ADAMTS7: variants seen among roughly 807,000 people sequenced by gnomAD.
ADAMTS7 encodes A disintegrin and metalloproteinase with thrombospondin motifs 7.
In ADAMTS7, 89 loss-of-function variants were observed where a neutral mutation model predicts 172.6. The observed-to-expected ratio is 0.52, with a 90% CI of 0.43 to 0.61. The LOEUF (loss-of-function observed/expected upper bound fraction) is 0.61. ADAMTS7 is among the 20% of genes least tolerant of loss of function. The pLI is 0.00. For synonymous variants in ADAMTS7, 885 were observed against 978.4 expected (o/e 0.90, Z 1.78); for missense variants, 1,973 against 2,355.6 (o/e 0.84, Z 3.36).
chr15:78,788,519 T>C, intron 7 of ADAMTS7, 145 bp from the exon 8 acceptor site: 1 of 940,698 alleles, frequency 1.1e-6, no homozygotes, highest in Non-Finnish European at 1.6e-6. Flanking sequence ...CTGCAGAAAG[T>C]CACATTCCCC....
chr15:78,781,909 G>T (rs998190816), intron 8 of ADAMTS7, among the ~76,000 whole-genome samples: 2 of 152,204 alleles, frequency 1.3e-5, no homozygotes, highest in Non-Finnish European at 2.9e-5. Flanking sequence ...AGCACTGCAC[G>T]CGTTTTCTCA....
chr15:78,781,503 C>T (rs2055428444), intron 8 of ADAMTS7, among the ~76,000 whole-genome samples: 1 of 152,186 alleles, frequency 6.6e-6, no homozygotes, highest in Non-Finnish European at 1.5e-5. Flanking sequence ...CTCCCCGGTG[C>T]CAAGGCTCTG....
chr15:78,785,259 A>G (rs1368055704), intron 8 of ADAMTS7, among the ~76,000 whole-genome samples: 1 of 152,242 alleles, frequency 6.6e-6, no homozygotes, highest in Admixed American at 6.5e-5. Context: ...TTAAAAAGAA[A>G]TGCCATCTAG....
chr15:78,762,820 C>T (rs1289508178), intron 22 of ADAMTS7, among the ~76,000 whole-genome samples: 4 of 152,220 alleles, frequency 2.6e-5, no homozygotes, highest in Admixed American at 6.5e-5. Flanking sequence ...GCCCTCGGGG[C>T]GGCAGGGCAG....
rs781511999 is a variant in ADAMTS7, at chr15:78,776,291, C to T, written c.1603G>A (p.Glu535Lys). The change falls in exon 11 of 24, where the codon GAG (glutamate) becomes AAG (lysine). Residue 535 changes from glutamate (E) to lysine (K), a missense_variant. Transcript: ENST00000388820. Reference protein sequence around the residue: ...GECVPVGFRPEAVDGGWSGWS... With the variant: ...GECVPVGFRPKAVDGGWSGWS... ...CCAGACCAGCCACCATCCACGGCCT[C>T]GGGCCGGAAGCCCACGGGTACGCAC... 2.4e-5 allele frequency: 39 copies of T among 1,611,834 alleles called. No homozygotes were observed. The highest frequency in any genetic ancestry group is 1.1e-4 in the East Asian group (5 of 44,896).
intron 9 of ADAMTS7, 158 bp from the exon 10 acceptor site, chr15:78,776,999 T>C: frequency 1.6e-6 from 1 of 638,076 alleles, no homozygotes; most frequent in South Asian, 1.9e-5. Flanking sequence ...TGCTCCCACC[T>C]TCCTCCCCGG....
intron 1 of ADAMTS7, among the ~76,000 whole-genome samples, chr15:78,809,633 G>A (rs1371942894): frequency 6.6e-6 from 1 of 152,192 alleles, no homozygotes; most frequent in Non-Finnish European, 1.5e-5. Flanking sequence ...ATCCCACGAG[G>A]TTGACCGCAC....
At chr15:78,773,406 C>T (rs541965838) in intron 13 of ADAMTS7, among the ~76,000 whole-genome samples, 175 of 151,628 alleles carry the variant, frequency 1.2e-3, no homozygotes, top group African/African-American at 4.1e-3. Context: ...AGATGTGAGA[C>T]GGGGAGACCC....
intron 4 of ADAMTS7, 32 bp from the exon 5 acceptor site, chr15:78,791,255 C>G: frequency 6.3e-7 from 1 of 1,595,850 alleles, no homozygotes; most frequent in Non-Finnish European, 8.6e-7. Context: ...CAGGTTGTCA[C>G]GAGGATGAAG....
In ADAMTS7 at chr15:78,771,229, C is replaced by T. The variant is rs1445499168; in HGVS notation, c.2451G>A (p.Glu817=). The T allele has an allele frequency of 1.9e-6, 3 of 1,612,084 alleles. No homozygotes were observed. The highest frequency in any genetic ancestry group is 3.3e-5 in the Admixed American group (2 of 59,968). Residue 817 remains glutamate, a synonymous_variant, in exon 16 of 24, where the codon GAG becomes GAA. Transcript: ENST00000388820. This position sits in a 1 kb window ranked among gnomAD's most constrained non-coding sequence, Gnocchi z 4.9. ...TIHREAGGHD[E]VPPPVFSWHY... ...GCCAGGAGAACACGGGCGGCGGGAC[C>T]TCGTCGTGGCCACCTGCCTCCCTGT... is the stretch of plus-strand genomic sequence containing the variant.
rs112725095 is a variant in ADAMTS7, at chr15:78,759,319, G to A, written c.*102C>T. The A allele has an allele frequency of 6.9e-3, 8,229 of 1,185,312 alleles. 406 individuals are homozygous for A. The African/African-American group carries it at 0.12, about 17-fold the overall frequency. 73.4% of individuals were successfully genotyped at this position (1,185,312 alleles called of 1,614,324 possible). On this transcript the variant is annotated 3_prime_UTR_variant, in exon 24 of 24. Coordinates refer to ENST00000388820, the MANE Select transcript of ADAMTS7 (RefSeq NM_014272.5). Reference sequence around the variant, plus strand: ...GAGGTCCCCAGCCTGCTGCTGGGTAGTGAGAGGGGGTTAGCACCATTAGGG... The same window carrying A: ...GAGGTCCCCAGCCTGCTGCTGGGTAATGAGAGGGGGTTAGCACCATTAGGG...
At chr15:78,806,275 G>T (rs1184034687) in intron 1 of ADAMTS7, among the ~76,000 whole-genome samples, 1 of 152,084 alleles carries the variant, frequency 6.6e-6, no homozygotes, top group East Asian at 1.9e-4. Context: ...TTTCATCAAG[G>T]AGGATGCATT....
intron 20 of ADAMTS7, 63 bp from the exon 21 acceptor site, chr15:78,764,162 G>C (rs1483918828): frequency 1.4e-6 from 2 of 1,439,676 alleles, no homozygotes; most frequent in Non-Finnish European, 1.8e-6. Context: ...GTGACCCCGT[G>C]AGGTGTGTGG....
chr15:78,793,432 C>T (rs137993114), intron 4 of ADAMTS7, among the ~76,000 whole-genome samples: 1 of 151,954 alleles, frequency 6.6e-6, no homozygotes, highest in African/African-American at 2.4e-5. Context: ...CGGCTCACTG[C>T]AGCCGCTGCA....
chr15:78,779,926 G>A (rs2055406061), intron 8 of ADAMTS7, among the ~76,000 whole-genome samples: 1 of 148,490 alleles, frequency 6.7e-6, no homozygotes, highest in Non-Finnish European at 1.5e-5. Context: ...TGTGGGAGAA[G>A]TCGGGAGCAT....
intron 8 of ADAMTS7, among the ~76,000 whole-genome samples, chr15:78,783,643 A>G (rs1459549719): frequency 2.6e-5 from 4 of 152,216 alleles, no homozygotes; most frequent in African/African-American, 9.6e-5. Context: ...AAAACATTTC[A>G]GGGAACAGAA....
At chr15:78,775,896 C>G (rs1478221928) in intron 11 of ADAMTS7, among the ~76,000 whole-genome samples, 3 of 152,188 alleles carry the variant, frequency 2.0e-5, no homozygotes, top group Admixed American at 6.5e-5. Flanking sequence ...TCCCCACTGC[C>G]CTCTCCTGCC....
chr15:78,796,335 C>T (rs2055642521), intron 4 of ADAMTS7, among the ~76,000 whole-genome samples: 1 of 152,156 alleles, frequency 6.6e-6, no homozygotes, highest in South Asian at 2.1e-4. Context: ...GTCTCCCACT[C>T]CTGCTCCCCC....
At chr15:78,801,133 C>G (rs1194768713) in intron 1 of ADAMTS7, among the ~76,000 whole-genome samples, 1 of 152,232 alleles carries the variant, frequency 6.6e-6, no homozygotes, top group African/African-American at 2.4e-5. Flanking sequence ...CAAGGGAAAG[C>G]AGCCAGAAAG....
Sources: gnomAD v4.1 joint callset for allele counts (sites outside exome capture counted in the v4.1 genomes callset) on GRCh38, gnomAD v4.1.1 for gene constraint, Gnocchi (gnomAD v3.1) non-coding constraint, MANE v1.5 for transcripts, NCBI Gene and HGNC (gene_info 2026-07-23, HGNC 2026-07-21) for gene names.